The following LRRTM4 variants were observed in gnomAD, a reference collection of about 807,000 sequenced individuals.
LRRTM4 encodes leucine rich repeat transmembrane neuronal 4.
LRRTM4 carries 25 observed loss-of-function variants against 47.6 expected under a neutral mutation model. The observed-to-expected ratio is 0.53, with a 90% confidence interval of 0.38 to 0.73. The LOEUF is 0.73. LRRTM4 is among the 30% of genes least tolerant of loss of function. LRRTM4 has a pLI of 0.00. For missense variants in LRRTM4, 638 were observed against 713.4 expected, an observed-to-expected ratio of 0.89 and a Z score of 1.20; for synonymous variants, 311 against 269.5, an observed-to-expected ratio of 1.15 and a Z score of -1.51.
intron 3 of LRRTM4, chr2:77,009,418 A>C (rs1677784037): frequency 6.6e-6 from 1 of 152,132 alleles, no homozygotes; most frequent in African/African-American, 2.4e-5. Context: ...AAGCGATTAC[A>C]AGCATGATTC....
chr2:77,437,536 T>C (rs968767910), intron 3 of LRRTM4, among the ~76,000 whole-genome samples: 1 of 152,080 alleles, frequency 6.6e-6, no homozygotes, highest in Admixed American at 6.5e-5. Flanking sequence ...AGAAATCTCA[T>C]TGAATTGGAA....
At chr2:77,343,796 G>A (rs1671461931) in intron 3 of LRRTM4, among the ~76,000 whole-genome samples, 1 of 151,822 alleles carries the variant, frequency 6.6e-6, no homozygotes, top group Admixed American at 6.6e-5. Flanking sequence ...AAGGTAAATA[G>A]ATAAGAGATT....
chr2:77,324,606 T>C (rs376780004), intron 3 of LRRTM4, among the ~76,000 whole-genome samples: 8 of 152,306 alleles, frequency 5.3e-5, no homozygotes, highest in East Asian at 3.9e-4. Context: ...ACTCTTAACA[T>C]CTTCTTGTAG....
At chr2:76,815,178 A>C (rs892606407) in intron 3 of LRRTM4, among the ~76,000 whole-genome samples, 1 of 152,164 alleles carries the variant, frequency 6.6e-6, no homozygotes, top group African/African-American at 2.4e-5. Flanking sequence ...TGAATGAGTC[A>C]GTGACTCTTC....
chr2:76,783,348 TTTAGTATA>T (rs1207238028), intron 3 of LRRTM4, among the ~76,000 whole-genome samples: 1 of 152,210 alleles, frequency 6.6e-6, no homozygotes, highest in African/African-American at 2.4e-5. Context: ...TTGTGTTTTA[TTTAGTATA>T]TTTTTAAAAA....
At chr2:76,845,319 C>T (rs547283339) in intron 3 of LRRTM4, among the ~76,000 whole-genome samples, 69 of 152,126 alleles carry the variant, frequency 4.5e-4, no homozygotes, top group African/African-American at 1.5e-3. Flanking sequence ...GGTGAAACCC[C>T]GTCTCTACTA....
intron 3 of LRRTM4, among the ~76,000 whole-genome samples, chr2:77,172,153 A>G (rs1335795605): frequency 6.6e-6 from 1 of 152,230 alleles, no homozygotes; most frequent in East Asian, 1.9e-4. Context: ...AATAAGCCAT[A>G]AATATAAGAG....
chr2:76,941,777 G>A (rs1251967154), intron 3 of LRRTM4, among the ~76,000 whole-genome samples: 4 of 152,124 alleles, frequency 2.6e-5, no homozygotes, highest in Non-Finnish European at 5.9e-5. Flanking sequence ...AAACACACGT[G>A]TGCATGTGTC....
intron 3 of LRRTM4, among the ~76,000 whole-genome samples, chr2:76,974,266 A>G (rs1012549947): frequency 3.4e-5 from 5 of 146,100 alleles, no homozygotes; most frequent in African/African-American, 1.3e-4. Flanking sequence ...ACACACATAC[A>G]TATATATATG....
intron 3 of LRRTM4, among the ~76,000 whole-genome samples, chr2:77,411,587 A>G (rs113304218): frequency 0.013 from 1,856 of 140,012 alleles, 43 homozygotes; most frequent in African/African-American, 0.047. Flanking sequence ...TGAGTAGCTG[A>G]GACAACAGGC....
At chr2:77,293,175 T>C (rs1676877534) in intron 3 of LRRTM4, among the ~76,000 whole-genome samples, 2 of 152,092 alleles carry the variant, frequency 1.3e-5, no homozygotes, top group Admixed American at 1.3e-4. Context: ...TGTCATTAAA[T>C]ATGAAACTAA....
At chr2:77,415,534 T>C (rs1438301298) in intron 3 of LRRTM4, among the ~76,000 whole-genome samples, 1 of 152,190 alleles carries the variant, frequency 6.6e-6, no homozygotes, top group East Asian at 1.9e-4. Flanking sequence ...TTCTAAAACA[T>C]CATGTTCTCT....
chr2:77,001,165 T>C (rs1677412781), intron 3 of LRRTM4, among the ~76,000 whole-genome samples: 1 of 152,152 alleles, frequency 6.6e-6, no homozygotes, highest in Non-Finnish European at 1.5e-5. Context: ...GTAGTAGCTG[T>C]CATCTCAGCA....
intron 3 of LRRTM4, among the ~76,000 whole-genome samples, chr2:77,049,040 T>C (rs1217753077): frequency 6.7e-6 from 1 of 149,864 alleles, no homozygotes; most frequent in African/African-American, 2.4e-5. Flanking sequence ...GTGCCTGGCT[T>C]ATTTCATTTA....
chr2:77,361,617 TC>T (rs1672214331), intron 3 of LRRTM4, among the ~76,000 whole-genome samples: 1 of 152,066 alleles, frequency 6.6e-6, no homozygotes, highest in Non-Finnish European at 1.5e-5. Flanking sequence ...TCCTTTATCT[TC>T]CCCGTGAAAT....
intron 3 of LRRTM4, among the ~76,000 whole-genome samples, chr2:77,462,583 T>TC (rs1197708908): frequency 6.6e-6 from 1 of 150,582 alleles, no homozygotes; most frequent in African/African-American, 2.5e-5. Flanking sequence ...ATATGGAAAT[T>TC]CACCACTGGC....
At chr2:76,752,526 C>T (rs1672887104) in intron 3 of LRRTM4, among the ~76,000 whole-genome samples, 1 of 152,146 alleles carries the variant, frequency 6.6e-6, no homozygotes, top group Non-Finnish European at 1.5e-5. Context: ...AGAGTAAAAA[C>T]CATTGTAAAG....
chr2:77,394,491 T>A (rs556462410), intron 3 of LRRTM4, among the ~76,000 whole-genome samples: 1 of 151,946 alleles, frequency 6.6e-6, no homozygotes, highest in Admixed American at 6.6e-5. Flanking sequence ...TCATAAAGGA[T>A]AACAGCCTGC....
At chr2:77,370,880 AT>A in intron 3 of LRRTM4, among the ~76,000 whole-genome samples, 1 of 151,838 alleles carries the variant, frequency 6.6e-6, no homozygotes, top group East Asian at 1.9e-4. Flanking sequence ...GTTTTCAATG[AT>A]AAAAGGAACT....
Sources: allele counts gnomAD v4.1 joint callset (sites outside exome capture counted in the v4.1 genomes callset), GRCh38; gene constraint gnomAD v4.1.1; transcripts MANE v1.5; gene names NCBI Gene and HGNC (gene_info 2026-07-23, HGNC 2026-07-21).